PDE11A: variants seen among roughly 807,000 people sequenced by gnomAD.
PDE11A encodes the protein phosphodiesterase 11A, also known as dual 3',5'-cyclic-AMP and -GMP phosphodiesterase 11A.
PDE11A carries 100 observed loss-of-function variants against 100.5 expected under a neutral mutation model. That is an observed-to-expected ratio of 1.00 (90% CI 0.85 to 1.18). The LOEUF (loss-of-function observed/expected upper bound fraction) is 1.18, where lower values mean the gene tolerates loss of function less well. PDE11A is among the 50% of genes most tolerant of loss of function. The pLI, the probability that PDE11A is intolerant of heterozygous loss-of-function variation, is 0.00. For synonymous variants in PDE11A, 381 were observed against 420.8 expected, an observed-to-expected ratio of 0.91 and a Z score of 1.16; for missense variants, 1,141 against 1,152.6, an observed-to-expected ratio of 0.99 and a Z score of 0.15.
At chr2:178,021,807 G>A (rs148542272) in intron 1 of PDE11A, among the ~76,000 whole-genome samples, 38 of 152,288 alleles carry the variant, frequency 2.5e-4, no homozygotes, top group Non-Finnish European at 4.6e-4. Context: ...AAGCATTAGG[G>A]AGAGGTGGAA....
chr2:177,846,202 C>T (rs888162074), intron 5 of PDE11A, among the ~76,000 whole-genome samples: 2 of 152,072 alleles, frequency 1.3e-5, no homozygotes, highest in South Asian at 2.1e-4. Context: ...TTTTGGCATA[C>T]CTCAATCAAA....
At chr2:177,668,982 C>T (rs2080632620) in intron 18 of PDE11A, among the ~76,000 whole-genome samples, 1 of 152,172 alleles carries the variant, frequency 6.6e-6, no homozygotes, top group South Asian at 2.1e-4. Flanking sequence ...AATAACTGAG[C>T]AGATAAGTCC....
At chr2:177,839,275 C>T (rs2083450336) in intron 6 of PDE11A, among the ~76,000 whole-genome samples, 1 of 152,150 alleles carries the variant, frequency 6.6e-6, no homozygotes, top group African/African-American at 2.4e-5. Context: ...TGTCTGCCTC[C>T]AGAGCCATAG....
At chr2:177,993,614 T>C (rs1245520085) in intron 2 of PDE11A, among the ~76,000 whole-genome samples, 5 of 151,962 alleles carry the variant, frequency 3.3e-5, no homozygotes, top group Non-Finnish European at 5.9e-5. Context: ...TGATTGTTTA[T>C]CTGTATATTT....
chr2:177,808,320 T>C lies in PDE11A; in HGVS notation c.1737+8509A>G, dbSNP rs374827672. Among the ~76,000 whole-genome samples the C allele has an allele frequency of 7.2e-5, 11 of 152,346 alleles. No individual in the cohort carries two copies. The South Asian group carries it at 2.3e-3, about 32-fold the overall frequency. On this transcript the variant is annotated intron_variant, in intron 9 of 19. Transcript: ENST00000286063. ...GTGAATCAACATGAGTAGATAGTTA[T>C]CATTTGGACAATCACTAGATCATTG... is the stretch of plus-strand genomic sequence containing the variant.
intron 14 of PDE11A, among the ~76,000 whole-genome samples, chr2:177,698,846 C>T (rs2081156082): frequency 6.6e-6 from 1 of 152,146 alleles, no homozygotes; most frequent in African/African-American, 2.4e-5. Flanking sequence ...TTTGCCTGTG[C>T]ATTACCCAAT....
At chr2:177,966,325 C>G (rs12994494) in intron 2 of PDE11A, among the ~76,000 whole-genome samples, 1 of 151,534 alleles carries the variant, frequency 6.6e-6, no homozygotes, top group Admixed American at 6.6e-5. Flanking sequence ...GACTTCCTCT[C>G]GTCTTTTATT....
chr2:177,651,739 A>G (rs2105461188), intron 19 of PDE11A, among the ~76,000 whole-genome samples: 1 of 152,254 alleles, frequency 6.6e-6, no homozygotes, highest in South Asian at 2.1e-4. Flanking sequence ...TAAAACCTAA[A>G]TTCGATGATG....
chr2:177,967,444 C>A (rs1341354744), intron 2 of PDE11A, among the ~76,000 whole-genome samples: 3 of 152,004 alleles, frequency 2.0e-5, no homozygotes, highest in Admixed American at 1.3e-4. Flanking sequence ...GTGATCCACC[C>A]ACCACAGCCT....
intron 19 of PDE11A, among the ~76,000 whole-genome samples, chr2:177,639,658 A>G (rs974158502): frequency 2.6e-5 from 4 of 152,162 alleles, no homozygotes; most frequent in African/African-American, 7.2e-5. Flanking sequence ...TCAGTTTGCC[A>G]ACCTGCTAGG....
intron 13 of PDE11A, among the ~76,000 whole-genome samples, chr2:177,706,065 G>A (rs2081274665): frequency 6.6e-6 from 1 of 152,162 alleles, no homozygotes; most frequent in Admixed American, 6.5e-5. Flanking sequence ...TCTACCTATT[G>A]ATCATTCATT....
At chr2:178,100,361 ATTC>A (rs2087547273) in intron 2 of PDE11A, among the ~76,000 whole-genome samples, 1 of 152,210 alleles carries the variant, frequency 6.6e-6, no homozygotes, top group African/African-American at 2.4e-5. Context: ...GAATTTCTGT[ATTC>A]TTCTGAAAAT....
At chr2:177,674,368 T>C (rs1030158767) in intron 17 of PDE11A, among the ~76,000 whole-genome samples, 31 of 152,354 alleles carry the variant, frequency 2.0e-4, no homozygotes, top group South Asian at 1.7e-3. Context: ...GGGCAGAAAT[T>C]GAGGTGTCAG....
chr2:177,761,693 A>G (rs1270306969), intron 10 of PDE11A, among the ~76,000 whole-genome samples: 2 of 152,184 alleles, frequency 1.3e-5, no homozygotes. Context: ...GGTCAGGTAG[A>G]TTGTTAGCGA....
At position 177,671,792 on chromosome 2, in the gene PDE11A, A is replaced by G. The variant is rs376931277; in HGVS notation, c.2488-2225T>C. 3.9e-5 allele frequency among the ~76,000 whole-genome samples: 6 copies of G among 152,242 alleles called. No individual in the cohort carries two copies. The East Asian group carries it at 7.7e-4, about 20-fold the overall frequency. On this transcript the variant is annotated intron_variant, in intron 17 of 19. Coordinates refer to ENST00000286063, the MANE Select transcript of PDE11A (RefSeq NM_016953.4). ...ACTAGTGACCGAGAAGACCACCTACAAGCAGCTACTGGGCCTCCCAAGTCG... is the reference window on the plus strand; with the variant it reads ...ACTAGTGACCGAGAAGACCACCTACGAGCAGCTACTGGGCCTCCCAAGTCG...
At chr2:177,981,423 CT>C (rs1457156629) in intron 2 of PDE11A, among the ~76,000 whole-genome samples, 2 of 150,552 alleles carry the variant, frequency 1.3e-5, no homozygotes, top group Non-Finnish European at 1.5e-5. Flanking sequence ...TCTTCAGGTT[CT>C]GGTATCCCCA....
intron 4 of PDE11A, among the ~76,000 whole-genome samples, chr2:177,880,689 C>T (rs1318074437): frequency 6.6e-6 from 1 of 152,062 alleles, no homozygotes; most frequent in Non-Finnish European, 1.5e-5. Flanking sequence ...GACTATGTTC[C>T]CTAACTTTAC....
chr2:177,968,553 T>G (rs370649649), intron 2 of PDE11A, among the ~76,000 whole-genome samples: 25 of 152,314 alleles, frequency 1.6e-4, no homozygotes, highest in African/African-American at 5.1e-4. Flanking sequence ...AAACCCAAGC[T>G]TACATAACTA....
chr2:177,964,282 A>AT (rs1240419226), intron 2 of PDE11A, among the ~76,000 whole-genome samples: 18 of 152,262 alleles, frequency 1.2e-4, no homozygotes, highest in African/African-American at 3.8e-4. Context: ...CCAATCCCTC[A>AT]ATTATATAAT....
Sources: gnomAD v4.1 joint callset for allele counts (sites outside exome capture counted in the v4.1 genomes callset) on GRCh38, gnomAD v4.1.1 for gene constraint, MANE v1.5 for transcripts, NCBI Gene and HGNC (gene_info 2026-07-23, HGNC 2026-07-21) for gene names.